The following THSD4 variants were observed in gnomAD, a reference collection of about 807,000 sequenced individuals.
THSD4 encodes the protein thrombospondin type 1 domain containing 4, also known as thrombospondin type-1 domain-containing protein 4.
A neutral mutation model predicts 119.0 loss-of-function variants in THSD4; 69 were observed. The ratio of observed to expected loss-of-function variants is 0.58; its 90% CI spans 0.48 to 0.71. The LOEUF is 0.71. THSD4 is among the 30% of genes least tolerant of loss of function. THSD4 has a pLI of 0.00. For synonymous variants in THSD4, 524 were observed against 540.4 expected (o/e 0.97, Z 0.42); for missense variants, 1,393 against 1,391.1 (o/e 1.00, Z -0.02).
rs142580434 is a variant in THSD4 at position 71,594,351 on chromosome 15, G to A, written c.1153-66179G>A. Among the ~76,000 whole-genome samples the A allele has an allele frequency of 2.6e-3, 392 of 152,154 alleles. 2 individuals are homozygous for A. The highest frequency in any genetic ancestry group is 9.2e-3 in the African/African-American group (382 of 41,512). On this transcript the variant is annotated intron_variant, in intron 7 of 17. Transcript: ENST00000261862. ...AGCTTCCCCAGTAGCTGAGATTACA[G>A]GCATTTGCCACCACGACTGGCTAAT...
chr15:71,499,913 T>A (rs1443034069), intron 7 of THSD4, among the ~76,000 whole-genome samples: 2 of 152,242 alleles, frequency 1.3e-5, no homozygotes, highest in Non-Finnish European at 2.9e-5. Flanking sequence ...GTTCACATTT[T>A]AGCTATTGTG....
At chr15:71,415,352 C>G (rs959526407) in intron 7 of THSD4, among the ~76,000 whole-genome samples, 12 of 152,212 alleles carry the variant, frequency 7.9e-5, no homozygotes, top group African/African-American at 2.9e-4. Flanking sequence ...CTATGTTTAT[C>G]CAGTTCTGGA....
At chr15:71,374,205 A>G (rs564679060) in intron 6 of THSD4, among the ~76,000 whole-genome samples, 28 of 152,302 alleles carry the variant, frequency 1.8e-4, no homozygotes, top group Admixed American at 5.2e-4. Flanking sequence ...AAACTCTCAA[A>G]TGGGGGATGC....
rs191009347 is a variant in THSD4, at chr15:71,282,000, G to A, written c.1015+25285G>A. On this transcript the variant is annotated intron_variant, in intron 6 of 17. Coordinates refer to ENST00000261862, the MANE Select transcript of THSD4 (RefSeq NM_024817.3). ...TCAGATTCCCCATTAGGGAAAGGAGGATAATAGTAGTATCCCCCTCAAAGG... is the reference window on the plus strand; with the variant it reads ...TCAGATTCCCCATTAGGGAAAGGAGAATAATAGTAGTATCCCCCTCAAAGG... Among the ~76,000 whole-genome samples the A allele has an allele frequency of 1.3e-3, 197 of 152,290 alleles. 2 individuals are homozygous for A. Among genetic ancestry groups the A allele is most frequent in the Admixed American group, 3.5e-3 (54 of 15,298 alleles).
rs141605738 is a variant in THSD4 at position 71,180,818 on chromosome 15, T to C, written c.99+25886T>C. Reference sequence around the variant, plus strand: ...GGGCATGAGGGAACCTTCCAGGGTGTTGGAAATATTCTAAGTCTTGAGCAG... The same window carrying C: ...GGGCATGAGGGAACCTTCCAGGGTGCTGGAAATATTCTAAGTCTTGAGCAG... On this transcript the variant is annotated intron_variant, in intron 3 of 17. Transcript: ENST00000261862. Among the ~76,000 whole-genome samples the C allele has an allele frequency of 7.4e-4, 113 of 152,190 alleles. 1 individual carries two copies. The East Asian group carries it at 0.02, about 28-fold the overall frequency.
chr15:71,249,400 CTT>C (rs1198730430), intron 5 of THSD4, among the ~76,000 whole-genome samples: 5 of 142,680 alleles, frequency 3.5e-5, no homozygotes, highest in African/African-American at 1.3e-4. Context: ...AAGTTGTTCT[CTT>C]ATTGACTTCA....
intron 15 of THSD4, among the ~76,000 whole-genome samples, chr15:71,762,477 C>A (rs2053643171): frequency 6.6e-6 from 1 of 152,202 alleles, no homozygotes; most frequent in Non-Finnish European, 1.5e-5. Context: ...CCACAGCGAC[C>A]TGGGAAAGTG....
At chr15:71,567,068 A>G (rs1450341835) in intron 7 of THSD4, among the ~76,000 whole-genome samples, 2 of 152,160 alleles carry the variant, frequency 1.3e-5, no homozygotes, top group African/African-American at 4.8e-5. Context: ...GCTAAAAGTT[A>G]ATTTATGAAG....
chr15:71,680,545 C>T (rs189168964), intron 8 of THSD4, among the ~76,000 whole-genome samples: 78 of 152,338 alleles, frequency 5.1e-4, no homozygotes, highest in African/African-American at 1.7e-3. Context: ...AAATACTCCA[C>T]ATCATTGCTA....
chr15:71,238,563 C>T (rs1226121600), intron 4 of THSD4, among the ~76,000 whole-genome samples: 2 of 152,196 alleles, frequency 1.3e-5, no homozygotes, highest in Non-Finnish European at 2.9e-5. Flanking sequence ...TCATATGTGT[C>T]TGGCTTCTTT....
intron 8 of THSD4, among the ~76,000 whole-genome samples, chr15:71,668,809 G>A (rs1274469782): frequency 6.6e-6 from 1 of 152,176 alleles, no homozygotes; most frequent in Non-Finnish European, 1.5e-5. Flanking sequence ...AAGATAACAT[G>A]AATGGGTGAC....
Position 71,426,193 on chromosome 15 carries a change from C to T in THSD4, c.1152+14370C>T, listed in dbSNP as rs184461918. Among the ~76,000 whole-genome samples the T allele has an allele frequency of 8.5e-5, 13 of 152,358 alleles. No individual in the cohort carries two copies. The East Asian group carries it at 2.3e-3, about 27-fold the overall frequency. Reference sequence around the variant, plus strand: ...GTGTGGGCTTTGACACCTCTTCCCCCAGCTGGGACACCACTTGGCTTCCAT... The same window carrying T: ...GTGTGGGCTTTGACACCTCTTCCCCTAGCTGGGACACCACTTGGCTTCCAT... On this transcript the variant is annotated intron_variant, in intron 7 of 17. Transcript: ENST00000261862.
At chr15:71,372,469 C>T (rs1211426940) in intron 6 of THSD4, among the ~76,000 whole-genome samples, 2 of 152,156 alleles carry the variant, frequency 1.3e-5, no homozygotes, top group Non-Finnish European at 2.9e-5. Flanking sequence ...TGTGGATGTC[C>T]TTTCTGTTTG....
chr15:71,440,980 C>A (rs1416543525), intron 7 of THSD4, among the ~76,000 whole-genome samples: 1 of 152,152 alleles, frequency 6.6e-6, no homozygotes, highest in East Asian at 1.9e-4. Context: ...CCTTCTTTGG[C>A]TCTTCTCAGA....
chr15:71,477,637 C>T (rs558865908), intron 7 of THSD4, among the ~76,000 whole-genome samples: 6 of 152,300 alleles, frequency 3.9e-5, no homozygotes, highest in African/African-American at 1.4e-4. Context: ...CCTGTTCTCA[C>T]CTCCTTAGCT....
intron 3 of THSD4, among the ~76,000 whole-genome samples, chr15:71,211,779 G>A (rs2043889961): frequency 6.6e-6 from 1 of 152,144 alleles, no homozygotes; most frequent in South Asian, 2.1e-4. Flanking sequence ...TTTAGAACAG[G>A]TTTTCTGCTT....
At chr15:71,172,700 T>TATATATATATATATATATATGTGAC (rs2043387371) in intron 3 of THSD4, among the ~76,000 whole-genome samples, 3 of 98,742 alleles carry the variant, frequency 3.0e-5, no homozygotes, top group African/African-American at 1.1e-4. Context: ...TATATATATA[T>TATATATATATATATATATATGTGAC]ATATATATAT....
intron 7 of THSD4, among the ~76,000 whole-genome samples, chr15:71,426,055 A>G (rs2046862508): frequency 6.6e-6 from 1 of 152,200 alleles, no homozygotes; most frequent in South Asian, 2.1e-4. Flanking sequence ...GTGAAGGGAA[A>G]GAAGCCGCCT....
At chr15:71,538,744 G>A (rs2140833055) in intron 7 of THSD4, among the ~76,000 whole-genome samples, 1 of 152,334 alleles carries the variant, frequency 6.6e-6, no homozygotes, top group African/African-American at 2.4e-5. Context: ...AGGGACCATA[G>A]TTGAGAACCT....
Sources: allele counts gnomAD v4.1 joint callset (sites outside exome capture counted in the v4.1 genomes callset), GRCh38; gene constraint gnomAD v4.1.1; transcripts MANE v1.5; gene names NCBI Gene and HGNC (gene_info 2026-07-23, HGNC 2026-07-21).